Variants in TNNI3 observed in about 807,000 individuals in gnomAD.
The protein encoded by TNNI3 is troponin I3, cardiac type.
TNNI3 carries 23 observed loss-of-function variants against 31.5 expected under a neutral mutation model. That is an observed-to-expected ratio of 0.73 (90% CI 0.52 to 1.03). TNNI3 has a LOEUF of 1.03. Among genes scored for constraint, TNNI3 ranks in the 50% least tolerant of loss-of-function variants. TNNI3 has a pLI of 0.00. For synonymous variants in TNNI3, 120 were observed against 111.7 expected, an observed-to-expected ratio of 1.07 and a Z score of -0.47; for missense variants, 236 against 282.9, an observed-to-expected ratio of 0.83 and a Z score of 1.19.
In TNNI3 at chr19:55,156,976, G is replaced by C. The variant is rs1017306992; in HGVS notation, c.108+74C>G. 6.7e-6 allele frequency: 10 copies of C among 1,490,034 alleles called. No individual in the cohort carries two copies. The highest frequency in any genetic ancestry group is 9.1e-6 in the Non-Finnish European group (10 of 1,103,342). 92.3% of individuals were successfully genotyped at this position (1,490,034 alleles called of 1,614,324 possible). A position where few individuals can be genotyped will look rare whatever the true frequency, so the allele number is the denominator to read the frequency against. On this transcript the variant is annotated intron_variant, in intron 3 of 7. Coordinates refer to ENST00000344887, the MANE Select transcript of TNNI3 (RefSeq NM_000363.5). The surrounding 1 kb of genome is among the most constrained non-coding windows in gnomAD (Gnocchi z 4.6). Reference sequence around the variant, plus strand: ...TAGTCCCCGCCCCCTTCGCAGCCCTGGCTCCTCCCCCCACTCCCAGGGTCT... The same window carrying C: ...TAGTCCCCGCCCCCTTCGCAGCCCTCGCTCCTCCCCCCACTCCCAGGGTCT...
Position 55,152,885 on chromosome 19 carries a change from T to C in TNNI3, c.550-968A>G, listed in dbSNP as rs1313321705. Reference sequence around the variant, plus strand: ...TGAGATCTCGGCTCACTGCAACCTCTGCCTCCCGGGTTCAAGCAATTCTCC... The same window carrying C: ...TGAGATCTCGGCTCACTGCAACCTCCGCCTCCCGGGTTCAAGCAATTCTCC... On this transcript the variant is annotated intron_variant, in intron 7 of 7. Transcript: ENST00000344887. This position sits in a 1 kb window ranked among gnomAD's most constrained non-coding sequence, Gnocchi z 4.0. 2.0e-5 allele frequency among the ~76,000 whole-genome samples: 3 copies of C among 150,900 alleles called. No homozygotes were observed. The highest frequency in any genetic ancestry group is 4.4e-5 in the Non-Finnish European group (3 of 67,630).
rs921314634 is a variant in TNNI3, at chr19:55,157,254, G to T, written c.24+42C>A. The T allele has an allele frequency of 7.5e-6, 12 of 1,610,060 alleles. No individual in the cohort carries two copies. The highest frequency in any genetic ancestry group is 2.7e-5 in the African/African-American group (2 of 74,780). On this transcript the variant is annotated intron_variant, in intron 2 of 7. Transcript: ENST00000344887. This position sits in a 1 kb window ranked among gnomAD's most constrained non-coding sequence, Gnocchi z 6.3. Reference sequence around the variant, plus strand: ...GACCCCTCACTGCAGCGCCCACCCTGGCCCTGGGGGTCCCAGCCACGCCTT... The same window carrying T: ...GACCCCTCACTGCAGCGCCCACCCTTGCCCTGGGGGTCCCAGCCACGCCTT...
chr19:55,154,005 T>C (rs1204259545), intron 7 of TNNI3, 25 bp downstream of exon 7: 3 of 1,610,380 alleles, frequency 1.9e-6, no homozygotes, highest in Admixed American at 1.7e-5. Context: ...CAGCATCCTC[T>C]TTCCTGGCCT....
rs773184959 is a variant in TNNI3, at chr19:55,151,906, C to A, written c.561G>T (p.Glu187Asp). 4 of 1,614,096 alleles carry A rather than the reference C, an allele frequency of 2.5e-6. No homozygotes were observed. The South Asian group carries it at 4.4e-5, about 18-fold the overall frequency. The change falls in exon 8 of 8, where the codon GAG becomes GAT. Residue 187 changes from glutamate (E) to aspartate (D), a missense_variant. Glu to Asp is a conservative substitution (Grantham distance 45). Coordinates refer to ENST00000344887, the MANE Select transcript of TNNI3 (RefSeq NM_000363.5). ...CGATGTTCTTGCGCCAGTCTCCCAC[C>A]TCCCGGTTTTCCTGGAGGATGGCGA... ...KKEDTEKENREVGDWRKNIDA... is the reference protein window; with the variant it reads ...KKEDTEKENRDVGDWRKNIDA...
Position 55,152,270 on chromosome 19 carries a change from C to T in TNNI3, c.550-353G>A, listed in dbSNP as rs1224406787. 1.3e-5 allele frequency among the ~76,000 whole-genome samples: 2 copies of T among 152,170 alleles called. No individual in the cohort carries two copies. Among genetic ancestry groups the T allele is most frequent in the Non-Finnish European group, 2.9e-5 (2 of 68,034 alleles). ...CTGCACTTCCTATCTTTCCCCTCCA[C>T]TTCCTGTCTGCCTTATGCCCTTCCT... On this transcript the variant is annotated intron_variant, in intron 7 of 7. Transcript: ENST00000344887. The surrounding 1 kb of genome is among the most constrained non-coding windows in gnomAD (Gnocchi z 4.0).
rs1430237474 is a variant in TNNI3 at position 55,157,323 on chromosome 19, A to G, written c.12-15T>C. 1 of 1,610,774 alleles carries G rather than the reference A, an allele frequency of 6.2e-7. No homozygotes were observed. Among genetic ancestry groups the G allele is most frequent in the African/African-American group, 1.4e-5 (1 of 73,416 alleles). ...CATCGCTGCTCCTGGAAGGAGAGAA[A>G]CCAAGGAGGGGGGTTAGTGGTGGGC... On this transcript the variant is annotated splice_polypyrimidine_tract_variant and intron_variant, in intron 1 of 7. Transcript: ENST00000344887. The surrounding 1 kb of genome is among the most constrained non-coding windows in gnomAD (Gnocchi z 6.3).
At position 55,156,719 on chromosome 19, in the gene TNNI3, ACC is replaced by A; in HGVS notation, c.109-77_109-76del. On this transcript the variant is annotated intron_variant, in intron 3 of 7. Coordinates refer to ENST00000344887, the MANE Select transcript of TNNI3 (RefSeq NM_000363.5). The surrounding 1 kb of genome is among the most constrained non-coding windows in gnomAD (Gnocchi z 4.6). ...ACGACGGTGGAGGGGACCTCAAGAC[ACC>A]CCCAGCAAACCCAGCCGGTCCAGAT... 1 of 1,499,780 alleles carries A rather than the reference ACC, an allele frequency of 6.7e-7. No homozygotes were observed. 92.9% of individuals were successfully genotyped at this position (1,499,780 alleles called of 1,614,324 possible). A position where few individuals can be genotyped will look rare whatever the true frequency, so the allele number is the denominator to read the frequency against.
Position 55,156,465 on chromosome 19 carries a change from C to G in TNNI3, c.151-133G>C. 1 of 1,499,180 alleles carries G rather than the reference C, an allele frequency of 6.7e-7. No homozygotes were observed. The highest frequency in any genetic ancestry group is 9.0e-7 in the Non-Finnish European group (1 of 1,108,300). The allele number at this position is 1,499,180 out of a possible 1,614,324, so 92.9% of individuals were successfully genotyped here. A position where few individuals can be genotyped will look rare whatever the true frequency, so the allele number is the denominator to read the frequency against. On this transcript the variant is annotated intron_variant, in intron 4 of 7. Coordinates refer to ENST00000344887, the MANE Select transcript of TNNI3 (RefSeq NM_000363.5). This position sits in a 1 kb window ranked among gnomAD's most constrained non-coding sequence, Gnocchi z 4.6. ...TTCCAAGGCCCCGTCCCACCCCGAGCAGTACTCCCCGCTAAAGCCACGCCC... is the reference window on the plus strand; with the variant it reads ...TTCCAAGGCCCCGTCCCACCCCGAGGAGTACTCCCCGCTAAAGCCACGCCC...
In TNNI3 at chr19:55,156,601, A is replaced by G; in HGVS notation, c.150+2T>C. On this transcript the variant is annotated splice_donor_variant, in intron 4 of 7. Coordinates refer to ENST00000344887, the MANE Select transcript of TNNI3 (RefSeq NM_000363.5). LOFTEE classifies it high-confidence loss of function. The surrounding 1 kb of genome is among the most constrained non-coding windows in gnomAD (Gnocchi z 4.6). Reference sequence around the variant, plus strand: ...CTCTTTCCCAGTCCCGCCCGTCCTCACCTTCAGCTGCAATTTTCTCGAGGC... The same window carrying G: ...CTCTTTCCCAGTCCCGCCCGTCCTCGCCTTCAGCTGCAATTTTCTCGAGGC... The G allele has an allele frequency of 6.4e-7, 1 of 1,559,624 alleles. No homozygotes were observed. The highest frequency in any genetic ancestry group is 1.2e-5 in the South Asian group (1 of 85,076).
Position 55,152,700 on chromosome 19 carries a change from A to G in TNNI3, c.550-783T>C, listed in dbSNP as rs1053890321. 6.6e-6 allele frequency among the ~76,000 whole-genome samples: 1 copy of G among 152,192 alleles called. No homozygotes were observed. Among genetic ancestry groups the G allele is most frequent in the Non-Finnish European group, 1.5e-5 (1 of 68,042 alleles). On this transcript the variant is annotated intron_variant, in intron 7 of 7. Coordinates refer to ENST00000344887, the MANE Select transcript of TNNI3 (RefSeq NM_000363.5). This position sits in a 1 kb window ranked among gnomAD's most constrained non-coding sequence, Gnocchi z 4.0. ...GAGTGCAGTCGTGCAATCTCGGCTCACTGCAGCCTCAACTTCCTGGGCTCA... is the reference window on the plus strand; with the variant it reads ...GAGTGCAGTCGTGCAATCTCGGCTCGCTGCAGCCTCAACTTCCTGGGCTCA...
chr19:55,152,576 AAG>A lies in TNNI3; in HGVS notation c.550-661_550-660del, dbSNP rs1333411685. 6.6e-6 allele frequency among the ~76,000 whole-genome samples: 1 copy of A among 152,226 alleles called. No homozygotes were observed. The highest frequency in any genetic ancestry group is 1.5e-5 in the Non-Finnish European group (1 of 68,052). On this transcript the variant is annotated intron_variant, in intron 7 of 7. Transcript: ENST00000344887. The surrounding 1 kb of genome is among the most constrained non-coding windows in gnomAD (Gnocchi z 4.0). ...TACAGTGCTATAAGATATTTTGAGA[AAG>A]AGACCACATTCATGAGTTTTATTAC...
rs1178267975 is a variant in TNNI3, at chr19:55,157,290, T to C, written c.24+6A>G. On this transcript the variant is annotated splice_donor_region_variant and intron_variant, in intron 2 of 7. Transcript: ENST00000344887. This position sits in a 1 kb window ranked among gnomAD's most constrained non-coding sequence, Gnocchi z 6.3. ...TCCCAGCCACGCCTTAGCCCGCTGC[T>C]CTCACCGCATCGCTGCTCCTGGAAG... 1 of 1,612,592 alleles carries C rather than the reference T, an allele frequency of 6.2e-7. No individual in the cohort carries two copies. Among genetic ancestry groups the C allele is most frequent in the Non-Finnish European group, 8.5e-7 (1 of 1,179,668 alleles).
At position 55,157,325 on chromosome 19, in the gene TNNI3, C is replaced by T. The variant is rs772711076; in HGVS notation, c.12-17G>A. On this transcript the variant is annotated splice_polypyrimidine_tract_variant and intron_variant, in intron 1 of 7. Coordinates refer to ENST00000344887, the MANE Select transcript of TNNI3 (RefSeq NM_000363.5). The surrounding 1 kb of genome is among the most constrained non-coding windows in gnomAD (Gnocchi z 6.3). The stretch of plus-strand genomic sequence containing the variant: ...TCGCTGCTCCTGGAAGGAGAGAAAC[C>T]AAGGAGGGGGGTTAGTGGTGGGCTG... 6.2e-7 allele frequency: 1 copy of T among 1,609,978 alleles called. No homozygotes were observed. Among genetic ancestry groups the T allele is most frequent in the Non-Finnish European group, 8.5e-7 (1 of 1,179,510 alleles).
chr19:55,157,513 G>T lies in TNNI3; in HGVS notation c.11+66C>A. The T allele has an allele frequency of 6.2e-7, 1 of 1,607,374 alleles. No homozygotes were observed. On this transcript the variant is annotated intron_variant, in intron 1 of 7. Coordinates refer to ENST00000344887, the MANE Select transcript of TNNI3 (RefSeq NM_000363.5). The surrounding 1 kb of genome is among the most constrained non-coding windows in gnomAD (Gnocchi z 6.3). ...CGCAGGCCAAGGGTCCAGCCTCTCA[G>T]CTGCGACCCCTCTTGGGAACCCGGG...
In TNNI3 at chr19:55,156,977, G is replaced by C. The variant is rs1244772377; in HGVS notation, c.108+73C>G. The stretch of plus-strand genomic sequence containing the variant: ...AGTCCCCGCCCCCTTCGCAGCCCTG[G>C]CTCCTCCCCCCACTCCCAGGGTCTT... On this transcript the variant is annotated intron_variant, in intron 3 of 7. Coordinates refer to ENST00000344887, the MANE Select transcript of TNNI3 (RefSeq NM_000363.5). The surrounding 1 kb of genome is among the most constrained non-coding windows in gnomAD (Gnocchi z 4.6). The C allele has an allele frequency of 2.7e-6, 4 of 1,493,994 alleles. No homozygotes were observed. In the Admixed American group the frequency reaches 7.9e-5, roughly 29 times the overall value. The allele number at this position is 1,493,994 out of a possible 1,614,324, so 92.5% of individuals were successfully genotyped here.
At position 55,157,189 on chromosome 19, in the gene TNNI3, C is replaced by T. The variant is rs2085739742; in HGVS notation, c.25-56G>A. On this transcript the variant is annotated intron_variant, in intron 2 of 7. Coordinates refer to ENST00000344887, the MANE Select transcript of TNNI3 (RefSeq NM_000363.5). This position sits in a 1 kb window ranked among gnomAD's most constrained non-coding sequence, Gnocchi z 6.3. ...CACCAAGACCCCACCCAGCCCTTAC[C>T]GTACCGCACCCTCTGCTAGGGCTGC... The T allele has an allele frequency of 1.3e-6, 2 of 1,590,138 alleles. No homozygotes were observed. Among genetic ancestry groups the T allele is most frequent in the African/African-American group, 1.3e-5 (1 of 74,612 alleles).
chr19:55,154,746 T>C lies in TNNI3; in HGVS notation c.367A>G (p.Thr123Ala). The C allele has an allele frequency of 6.2e-7, 1 of 1,614,104 alleles. No homozygotes were observed. The highest frequency in any genetic ancestry group is 8.5e-7 in the Non-Finnish European group (1 of 1,179,962). The change falls in exon 6 of 8, where the codon ACG becomes GCG. Residue 123 changes from threonine (T) to alanine (A), a missense_variant. By Grantham distance (58) the Thr-to-Ala change is moderately conservative (BLOSUM62 0). Coordinates refer to ENST00000344887, the MANE Select transcript of TNNI3 (RefSeq NM_000363.5). ...DIEAKVTKNITEIADLTQKIF... is the reference protein window; with the variant it reads ...DIEAKVTKNIAEIADLTQKIF... ...GAGCTGCCCATGCGTCCCACCTCCG[T>C]GATGTTCTTGGTGACTTTTGCCTCT...
In TNNI3 at chr19:55,156,679, G is replaced by A; in HGVS notation, c.109-35C>T. The A allele has an allele frequency of 6.4e-7, 1 of 1,557,094 alleles. No individual in the cohort carries two copies. Among genetic ancestry groups the A allele is most frequent in the Admixed American group, 1.9e-5 (1 of 51,746 alleles). On this transcript the variant is annotated intron_variant, in intron 3 of 7. Coordinates refer to ENST00000344887, the MANE Select transcript of TNNI3 (RefSeq NM_000363.5). This position sits in a 1 kb window ranked among gnomAD's most constrained non-coding sequence, Gnocchi z 4.6. ...TGAGATGGAGCAAGGAAGGATCATG[G>A]AGGGGGATTCGGAGACGACGGTGGA...
At chr19:55,155,749 TG>T (rs1162355261) in intron 5 of TNNI3, among the ~76,000 whole-genome samples, 8 of 42,528 alleles carry the variant, frequency 1.9e-4, no homozygotes, top group African/African-American at 4.7e-4. Flanking sequence ...GAGGAGGGGC[TG>T]GGGGCCTGGA....
Sources: gnomAD v4.1 joint callset for allele counts (sites outside exome capture counted in the v4.1 genomes callset) on GRCh38, gnomAD v4.1.1 for gene constraint, Gnocchi (gnomAD v3.1) non-coding constraint, MANE v1.5 for transcripts, NCBI Gene and HGNC (gene_info 2026-07-23, HGNC 2026-07-21) for gene names.